The following GATB variants were observed in gnomAD, a reference collection of about 807,000 sequenced individuals.
GATB encodes the protein glutamyl-tRNA(Gln) amidotransferase subunit B, mitochondrial.
A neutral mutation model predicts 62.3 loss-of-function variants in GATB; 39 were observed. That is an observed-to-expected ratio of 0.63 (90% CI 0.48 to 0.82). The LOEUF (loss-of-function observed/expected upper bound fraction) is 0.82, where lower values mean the gene tolerates loss of function less well. Among genes scored for constraint, GATB ranks in the 40% least tolerant of loss-of-function variants. GATB has a pLI of 0.00. For synonymous variants in GATB, 276 were observed against 258.9 expected, an observed-to-expected ratio of 1.07 and a Z score of -0.63; for missense variants, 670 against 684.0, an observed-to-expected ratio of 0.98 and a Z score of 0.23.
chr4:151,754,956 C>G (rs536680645), intron 2 of GATB, among the ~76,000 whole-genome samples: 5 of 152,150 alleles, frequency 3.3e-5, no homozygotes, highest in Non-Finnish European at 7.3e-5. Flanking sequence ...TCACTGGCAA[C>G]GTAACTGTGC....
chr4:151,716,306 G>A (rs1267163152), intron 4 of GATB, 175 bp from the exon 5 acceptor site: 7 of 630,478 alleles, frequency 1.1e-5, no homozygotes, highest in Admixed American at 7.5e-5. Flanking sequence ...TTAAAGAGGC[G>A]TCATCTTGCT....
chr4:151,708,171 T>C (rs1429194843), intron 5 of GATB, 70 bp from the exon 6 acceptor site: 8 of 1,028,728 alleles, frequency 7.8e-6, no homozygotes, highest in South Asian at 1.4e-5. Flanking sequence ...AGGCAGGGAG[T>C]GTCAAAGGAA....
Position 151,730,624 on chromosome 4 carries a change from G to A in GATB, c.328-11086C>T, listed in dbSNP as rs764816343. Among the ~76,000 whole-genome samples, 5 of 152,234 alleles carry A rather than the reference G, an allele frequency of 3.3e-5. No homozygotes were observed. The highest frequency in any genetic ancestry group is 7.3e-5 in the Non-Finnish European group (5 of 68,046). Reference sequence around the variant, plus strand: ...TCTGTGCAGACAGCCCCCAGTGCCAGCCTGGAGCCACGAAGACTCACTGGG... The same window carrying A: ...TCTGTGCAGACAGCCCCCAGTGCCAACCTGGAGCCACGAAGACTCACTGGG... On this transcript the variant is annotated intron_variant, in intron 2 of 12. Coordinates refer to ENST00000263985, the MANE Select transcript of GATB (RefSeq NM_004564.3). This position sits in a 1 kb window ranked among gnomAD's most constrained non-coding sequence, Gnocchi z 4.1.
chr4:151,705,290 T>C, intron 6 of GATB, 21 bp from the exon 7 acceptor site: 2 of 1,484,706 alleles, frequency 1.3e-6, no homozygotes, highest in Non-Finnish European at 1.9e-6. Context: ...CACACTAATT[T>C]AGCATCATAT....
chr4:151,700,443 G>A (rs1008027396), intron 9 of GATB, among the ~76,000 whole-genome samples: 1 of 152,158 alleles, frequency 6.6e-6, no homozygotes, highest in Non-Finnish European at 1.5e-5. Context: ...GACTGCCTAC[G>A]TTGTACTGTA....
chr4:151,729,957 G>A (rs1167550608), intron 2 of GATB, among the ~76,000 whole-genome samples: 1 of 152,222 alleles, frequency 6.6e-6, no homozygotes, highest in Non-Finnish European at 1.5e-5. Flanking sequence ...TCAGCTGCAA[G>A]AGCAGGCCAG....
At chr4:151,758,715 T>A (rs759479299) in intron 2 of GATB, 57 bp downstream of exon 2, 6 of 1,298,992 alleles carry the variant, frequency 4.6e-6, no homozygotes, top group Non-Finnish European at 5.2e-6. Context: ...TAATTTTCCA[T>A]GTTCAATATA....
At chr4:151,714,947 T>C (rs1013009361) in intron 5 of GATB, among the ~76,000 whole-genome samples, 5 of 152,192 alleles carry the variant, frequency 3.3e-5, no homozygotes, top group East Asian at 1.9e-4. Flanking sequence ...TTAAGTAAAA[T>C]AGCAAATAAG....
In GATB at chr4:151,684,684, G is replaced by A. The variant is rs577462078; in HGVS notation, c.1331+3946C>T. On this transcript the variant is annotated intron_variant, in intron 10 of 12. Coordinates refer to ENST00000263985, the MANE Select transcript of GATB (RefSeq NM_004564.3). Reference sequence around the variant, plus strand: ...ACTGTGTAGGAAAAGAGCTGCTATGGTTTGGTTTTGGCTTCTCAGTCCTTG... The same window carrying A: ...ACTGTGTAGGAAAAGAGCTGCTATGATTTGGTTTTGGCTTCTCAGTCCTTG... Among the ~76,000 whole-genome samples, 87 of 152,328 alleles carry A rather than the reference G, an allele frequency of 5.7e-4. 3 individuals are homozygous for A. In the South Asian group the frequency reaches 0.017, roughly 30 times the overall value.
At chr4:151,722,259 A>G (rs1739046642) in intron 2 of GATB, 1 of 701,070 alleles carries the variant, frequency 1.4e-6, no homozygotes. Flanking sequence ...ACTAAACTTT[A>G]GGGGTACATA....
At chr4:151,736,241 A>G (rs917668413) in intron 2 of GATB, among the ~76,000 whole-genome samples, 1 of 152,202 alleles carries the variant, frequency 6.6e-6, no homozygotes, top group Non-Finnish European at 1.5e-5. Flanking sequence ...ATTCCACAGT[A>G]TCTATAGAAA....
chr4:151,719,828 C>A (rs780237514), intron 2 of GATB: 22 of 287,142 alleles, frequency 7.7e-5, no homozygotes, highest in Non-Finnish European at 1.4e-4. Context: ...GGAAGAGTCG[C>A]AGAAAAGCTT....
chr4:151,716,864 C>G lies in GATB; in HGVS notation c.640+12G>C. 6.2e-7 allele frequency: 1 copy of G among 1,613,554 alleles called. No individual in the cohort carries two copies. Among genetic ancestry groups the G allele is most frequent in the Non-Finnish European group, 8.5e-7 (1 of 1,179,494 alleles). On this transcript the variant is annotated intron_variant, in intron 4 of 12. Transcript: ENST00000263985. ...GTAGGAAGGAGAAATAATGAAAACACTCCAAGCCTACCTGCCCTGTTCAAA... is the reference window on the plus strand; with the variant it reads ...GTAGGAAGGAGAAATAATGAAAACAGTCCAAGCCTACCTGCCCTGTTCAAA...
intron 9 of GATB, 130 bp downstream of exon 9, chr4:151,701,199 T>A (rs1738594115): frequency 1.8e-6 from 1 of 541,408 alleles, no homozygotes; most frequent in Admixed American, 4.0e-5. Context: ...CTCAGTAGCA[T>A]CTATAGTACA....
At chr4:151,728,972 A>C (rs1739191059) in intron 2 of GATB, among the ~76,000 whole-genome samples, 2 of 152,190 alleles carry the variant, frequency 1.3e-5, no homozygotes, top group Admixed American at 1.3e-4. Context: ...TTTTGTCAAA[A>C]GTGCACCTGC....
intron 6 of GATB, among the ~76,000 whole-genome samples, chr4:151,706,193 G>GAT (rs1738711719): frequency 6.6e-6 from 1 of 152,184 alleles, no homozygotes; most frequent in African/African-American, 2.4e-5. Context: ...AGAAAAAGGT[G>GAT]GTGAAAAATC....
At chr4:151,698,232 G>A (rs868691238) in intron 9 of GATB, among the ~76,000 whole-genome samples, 22 of 151,812 alleles carry the variant, frequency 1.4e-4, no homozygotes, top group Admixed American at 7.2e-4. Flanking sequence ...AGTACCTACC[G>A]TGTCAGGTAT....
intron 6 of GATB, among the ~76,000 whole-genome samples, chr4:151,706,883 C>T (rs1289598987): frequency 6.6e-6 from 1 of 152,240 alleles, no homozygotes; most frequent in African/African-American, 2.4e-5. Flanking sequence ...CCCTCTTCCT[C>T]TCTAGATAGC....
At chr4:151,711,949 G>T (rs556125991) in intron 5 of GATB, among the ~76,000 whole-genome samples, 1 of 152,292 alleles carries the variant, frequency 6.6e-6, no homozygotes, top group South Asian at 2.1e-4. Flanking sequence ...TCCTCTGAAA[G>T]GCCCATTAAG....
Sources: gnomAD v4.1 joint callset for allele counts (sites outside exome capture counted in the v4.1 genomes callset) on GRCh38, gnomAD v4.1.1 for gene constraint, Gnocchi (gnomAD v3.1) non-coding constraint, MANE v1.5 for transcripts, NCBI Gene and HGNC (gene_info 2026-07-23, HGNC 2026-07-21) for gene names.